The following NAALADL2 variants were observed in gnomAD, a reference collection of about 807,000 sequenced individuals.
NAALADL2 encodes inactive N-acetylated-alpha-linked acidic dipeptidase-like protein 2.
In NAALADL2, 76 loss-of-function variants were observed where a neutral mutation model predicts 87.2. The observed-to-expected ratio is 0.87, with a 90% CI of 0.72 to 1.05. The LOEUF (loss-of-function observed/expected upper bound fraction) is 1.05. Ranked by LOEUF, NAALADL2 falls within the 50% of genes least tolerant of loss-of-function variation. The pLI is 0.00. For missense variants in NAALADL2, 1,089 were observed against 945.8 expected (o/e 1.15, Z -1.99); for synonymous variants, 354 against 331.0 (o/e 1.07, Z -0.75).
intron 9 of NAALADL2, among the ~76,000 whole-genome samples, chr3:175,481,365 G>GTGTGTGTGTA (rs1553906602): frequency 6.8e-6 from 1 of 147,240 alleles, no homozygotes; most frequent in African/African-American, 2.6e-5. Flanking sequence ...GTGTGTGTGT[G>GTGTGTGTGTA]TATATAGCTG....
At chr3:175,577,977 C>T (rs1208884301) in intron 10 of NAALADL2, among the ~76,000 whole-genome samples, 1 of 151,812 alleles carries the variant, frequency 6.6e-6, no homozygotes, top group African/African-American at 2.4e-5. Flanking sequence ...GAAATTAGAG[C>T]TTTTTTTATG....
chr3:174,855,876 A>G (rs1725796853), upstream of NAALADL2, among the ~76,000 whole-genome samples: 2 of 142,252 alleles, frequency 1.4e-5, no homozygotes, highest in South Asian at 4.2e-4. Flanking sequence ...ATGTATATAT[A>G]CATACATATG....
chr3:175,629,154 CAT>C (rs1031276355), intron 11 of NAALADL2, among the ~76,000 whole-genome samples: 6 of 147,756 alleles, frequency 4.1e-5, no homozygotes, highest in African/African-American at 7.4e-5. Context: ...ACATATATAT[CAT>C]ATATATACAT....
chr3:175,470,651 A>G (rs556936366), intron 8 of NAALADL2, among the ~76,000 whole-genome samples: 1 of 152,286 alleles, frequency 6.6e-6, no homozygotes, highest in African/African-American at 2.4e-5. Context: ...AACTGCCACC[A>G]TGACAATTAT....
intron 9 of NAALADL2, among the ~76,000 whole-genome samples, chr3:175,546,951 G>T (rs1713438408): frequency 6.6e-6 from 1 of 152,056 alleles, no homozygotes; most frequent in Non-Finnish European, 1.5e-5. Flanking sequence ...AATACATGCT[G>T]ATGGATAGGA....
At chr3:175,309,671 C>T (rs1225458421) in intron 4 of NAALADL2, among the ~76,000 whole-genome samples, 1 of 151,556 alleles carries the variant, frequency 6.6e-6, no homozygotes, top group Non-Finnish European at 1.5e-5. Flanking sequence ...AATCACATAA[C>T]CTAAATTCTC....
chr3:175,106,646 AGTGCGGT>A (rs1445397773), intron 2 of NAALADL2, among the ~76,000 whole-genome samples: 1 of 152,040 alleles, frequency 6.6e-6, no homozygotes, highest in Non-Finnish European at 1.5e-5. Flanking sequence ...CATTCAGTAG[AGTGCGGT>A]GTAAGTTAAA....
chr3:175,041,087 T>C (rs1028285326), intron 1 of NAALADL2, among the ~76,000 whole-genome samples: 4 of 152,272 alleles, frequency 2.6e-5, no homozygotes, highest in Admixed American at 2.0e-4. Context: ...ATTATCGATA[T>C]TTTGCATATC....
At chr3:174,699,837 CT>C (rs35197419) in intron 2 of NAALADL2, among the ~76,000 whole-genome samples, 220 of 125,006 alleles carry the variant, frequency 1.8e-3, no homozygotes, top group African/African-American at 3.3e-3. Flanking sequence ...TTTTAAGATG[CT>C]TTTTTTTTTT....
intron 3 of NAALADL2, among the ~76,000 whole-genome samples, chr3:174,848,007 CTT>C (rs201813674): frequency 7.8e-6 from 1 of 127,950 alleles, no homozygotes; most frequent in Non-Finnish European, 1.8e-5. Flanking sequence ...TTTTCTCTCT[CTT>C]TTTTTTTTTT....
At chr3:174,537,315 A>G (rs528964130) in intron 1 of NAALADL2, among the ~76,000 whole-genome samples, 21 of 152,228 alleles carry the variant, frequency 1.4e-4, no homozygotes, top group Non-Finnish European at 2.6e-4. Context: ...TTATACTGTA[A>G]GAGATTTTAA....
At chr3:174,657,632 A>G (rs1235473986) in intron 2 of NAALADL2, among the ~76,000 whole-genome samples, 1 of 152,020 alleles carries the variant, frequency 6.6e-6, no homozygotes, top group Non-Finnish European at 1.5e-5. Context: ...TCTCATTATC[A>G]CCCAAAGGGC....
chr3:174,681,602 C>G (rs529849868), intron 2 of NAALADL2, among the ~76,000 whole-genome samples: 1 of 152,150 alleles, frequency 6.6e-6, no homozygotes, highest in Admixed American at 6.5e-5. Flanking sequence ...AAGGGGACCT[C>G]CTACCTTAAA....
intron 5 of NAALADL2, among the ~76,000 whole-genome samples, chr3:175,327,451 T>G (rs527810982): frequency 1.3e-5 from 2 of 152,132 alleles, no homozygotes; most frequent in Admixed American, 1.3e-4. Flanking sequence ...CACCGCACCC[T>G]GCCTCAACTG....
At chr3:174,695,581 T>G (rs1728948329) in intron 2 of NAALADL2, among the ~76,000 whole-genome samples, 1 of 152,012 alleles carries the variant, frequency 6.6e-6, no homozygotes, top group African/African-American at 2.4e-5. Context: ...ATACTGAAAC[T>G]AAAAGAAATA....
intron 1 of NAALADL2, among the ~76,000 whole-genome samples, chr3:175,075,047 T>C (rs1193936621): frequency 6.6e-6 from 1 of 152,130 alleles, no homozygotes; most frequent in East Asian, 1.9e-4. Context: ...GTTAACATTA[T>C]TGAACACTAA....
At chr3:175,188,040 A>G (rs1343217302) in intron 2 of NAALADL2, among the ~76,000 whole-genome samples, 1 of 152,160 alleles carries the variant, frequency 6.6e-6, no homozygotes, top group East Asian at 1.9e-4. Flanking sequence ...TATTGCAACA[A>G]ACTGATTCTA....
chr3:175,020,588 C>G (rs1304597895), intron 1 of NAALADL2, among the ~76,000 whole-genome samples: 2 of 152,072 alleles, frequency 1.3e-5, no homozygotes, highest in Non-Finnish European at 2.9e-5. Context: ...TATTTGGGAA[C>G]TTAATAATTT....
chr3:174,766,091 C>T (rs1713770070), intron 3 of NAALADL2, among the ~76,000 whole-genome samples: 1 of 152,098 alleles, frequency 6.6e-6, no homozygotes, highest in Admixed American at 6.5e-5. Flanking sequence ...TCATTGGGAG[C>T]TCTAAAGGAA....
Sources: gnomAD v4.1 joint callset for allele counts (sites outside exome capture counted in the v4.1 genomes callset) on GRCh38, gnomAD v4.1.1 for gene constraint, MANE v1.5 for transcripts, NCBI Gene and HGNC (gene_info 2026-07-23, HGNC 2026-07-21) for gene names.